TRPM3: variants seen among roughly 807,000 people sequenced by gnomAD.
TRPM3 encodes the protein long transient receptor potential channel 3.
TRPM3 carries 77 observed loss-of-function variants against 181.2 expected under a neutral mutation model. The ratio of observed to expected loss-of-function variants is 0.42; its 90% CI spans 0.35 to 0.51. TRPM3 has a LOEUF of 0.51. TRPM3 is among the 20% of genes least tolerant of loss of function. TRPM3 has a pLI of 0.01. For synonymous variants in TRPM3, 745 were observed against 796.4 expected (o/e 0.94, Z 1.09); for missense variants, 1,759 against 2,196.7 (o/e 0.80, Z 3.98).
At chr9:70,688,269 C>G (rs1156579193) in intron 8 of TRPM3, among the ~76,000 whole-genome samples, 2 of 149,210 alleles carry the variant, frequency 1.3e-5, no homozygotes, top group Admixed American at 1.4e-4. Context: ...CATTCAAAGA[C>G]TGCTGATGTC....
intron 1 of TRPM3, among the ~76,000 whole-genome samples, chr9:71,436,739 A>G (rs1374796389): frequency 6.6e-6 from 1 of 152,172 alleles, no homozygotes; most frequent in Non-Finnish European, 1.5e-5. Flanking sequence ...TTTCATCTAG[A>G]TATTACAGAA....
At chr9:71,256,682 T>C (rs2082694974) in intron 1 of TRPM3, among the ~76,000 whole-genome samples, 1 of 152,102 alleles carries the variant, frequency 6.6e-6, no homozygotes, top group South Asian at 2.1e-4. Context: ...ATGCCTGACA[T>C]GGGACCTAGA....
intron 1 of TRPM3, among the ~76,000 whole-genome samples, chr9:71,081,721 A>T (rs1170656735): frequency 6.6e-6 from 1 of 152,174 alleles, no homozygotes; most frequent in Non-Finnish European, 1.5e-5. Context: ...AGCCCTTAGA[A>T]ATAAGAAACT....
intron 1 of TRPM3, among the ~76,000 whole-genome samples, chr9:71,221,830 A>G (rs577926932): frequency 9.2e-5 from 14 of 152,306 alleles, no homozygotes; most frequent in African/African-American, 3.4e-4. Flanking sequence ...AAAGAGTAGG[A>G]AATTTAGAAC....
At chr9:70,699,497 C>G (rs997179387) in intron 8 of TRPM3, among the ~76,000 whole-genome samples, 1 of 152,164 alleles carries the variant, frequency 6.6e-6, no homozygotes, top group African/African-American at 2.4e-5. Context: ...AGCTAGAAAG[C>G]AAGTCTGGGA....
chr9:70,628,935 C>G (rs1452860544), intron 12 of TRPM3, among the ~76,000 whole-genome samples: 1 of 150,860 alleles, frequency 6.6e-6, no homozygotes, highest in East Asian at 2.0e-4. Flanking sequence ...AAATAAGACA[C>G]CAATATTGCT....
At chr9:71,046,514 G>A (rs1042873529) in intron 1 of TRPM3, among the ~76,000 whole-genome samples, 38 of 152,180 alleles carry the variant, frequency 2.5e-4, no homozygotes, top group Admixed American at 4.6e-4. Context: ...TCTATTTTAA[G>A]TATCTAAATA....
At chr9:70,757,550 G>A (rs944115279) in intron 8 of TRPM3, among the ~76,000 whole-genome samples, 2 of 152,226 alleles carry the variant, frequency 1.3e-5, no homozygotes, top group East Asian at 1.9e-4. Flanking sequence ...AAAATTTCAG[G>A]CCAATATCCC....
At chr9:70,843,772 CG>C (rs2094822763) in intron 4 of TRPM3, among the ~76,000 whole-genome samples, 2 of 142,258 alleles carry the variant, frequency 1.4e-5, no homozygotes, top group Admixed American at 1.5e-4. Context: ...AGATGTTAGG[CG>C]GCATAACTCT....
At chr9:71,309,387 C>T (rs2087703802) in intron 1 of TRPM3, among the ~76,000 whole-genome samples, 1 of 152,066 alleles carries the variant, frequency 6.6e-6, no homozygotes, top group Admixed American at 6.6e-5. Context: ...AGAAGGATAC[C>T]AATTCAATAG....
intron 1 of TRPM3, among the ~76,000 whole-genome samples, chr9:70,996,540 C>A (rs1236337538): frequency 6.6e-6 from 1 of 152,208 alleles, no homozygotes; most frequent in Non-Finnish European, 1.5e-5. Flanking sequence ...CTCACCTTTA[C>A]ATCCCACAGC....
chr9:70,768,944 T>G (rs1588084210), intron 7 of TRPM3, among the ~76,000 whole-genome samples: 2 of 152,186 alleles, frequency 1.3e-5, no homozygotes, highest in African/African-American at 4.8e-5. Flanking sequence ...AAAATTTGAC[T>G]TCCTAAAATA....
At chr9:70,888,099 G>T (rs2096123032) in intron 1 of TRPM3, among the ~76,000 whole-genome samples, 1 of 151,978 alleles carries the variant, frequency 6.6e-6, no homozygotes, top group Non-Finnish European at 1.5e-5. Context: ...TTCTTTAATT[G>T]CCTCTGGCAC....
intron 8 of TRPM3, among the ~76,000 whole-genome samples, chr9:70,750,808 T>C (rs951473958): frequency 6.6e-5 from 10 of 152,148 alleles, no homozygotes; most frequent in Admixed American, 5.9e-4. Context: ...ATTTTGTTTC[T>C]GGACATGTAG....
At chr9:70,896,133 A>G (rs1390495972) in intron 1 of TRPM3, among the ~76,000 whole-genome samples, 2 of 152,204 alleles carry the variant, frequency 1.3e-5, no homozygotes, top group Non-Finnish European at 2.9e-5. Context: ...TAGAAAAAAC[A>G]TAGAAACCAG....
intron 1 of TRPM3, among the ~76,000 whole-genome samples, chr9:71,165,704 A>G (rs1245338567): frequency 6.6e-6 from 1 of 152,156 alleles, no homozygotes; most frequent in Admixed American, 6.6e-5. Context: ...AAGGTCACTC[A>G]TCATTACCCT....
intron 3 of TRPM3, among the ~76,000 whole-genome samples, chr9:70,862,306 C>T (rs1331549468): frequency 1.3e-5 from 2 of 152,104 alleles, no homozygotes; most frequent in African/African-American, 4.8e-5. Flanking sequence ...TTAGAAGTAA[C>T]ATTTGCATAT....
rs139995805 is a variant in TRPM3 at position 70,869,138 on chromosome 9, G to A, written c.178-4627C>T. The A allele has an allele frequency of 1.5e-3, 1,249 of 834,368 alleles. 4 individuals carry two copies. Among genetic ancestry groups the A allele is most frequent in the Non-Finnish European group, 1.7e-3 (1,201 of 692,116 alleles). 51.7% of individuals were successfully genotyped at this position (834,368 alleles called of 1,614,324 possible). A position where few individuals can be genotyped will look rare whatever the true frequency, so the allele number is the denominator to read the frequency against. On this transcript the variant is annotated intron_variant, in intron 1 of 25. Coordinates refer to ENST00000677713, the MANE Select transcript of TRPM3 (RefSeq NM_001366145.2). ...GTCACTTGTTCGGCTCTTCCCCCAA[G>A]AGACGTTTCAAGTAAGCAATGAACT...
chr9:70,700,741 GA>G (rs1268101766), intron 8 of TRPM3, among the ~76,000 whole-genome samples: 4 of 152,224 alleles, frequency 2.6e-5, no homozygotes, highest in African/African-American at 7.2e-5. Flanking sequence ...TGAAACTGGA[GA>G]GAAGTTTTAT....
Sources: gnomAD v4.1 joint callset for allele counts (sites outside exome capture counted in the v4.1 genomes callset) on GRCh38, gnomAD v4.1.1 for gene constraint, MANE v1.5 for transcripts, NCBI Gene and HGNC (gene_info 2026-07-23, HGNC 2026-07-21) for gene names.